ABCC3: variants seen among roughly 807,000 people sequenced by gnomAD.
ABCC3 encodes the protein ATP binding cassette subfamily C member 3, also known as ATP-binding cassette sub-family C member 3.
ABCC3 carries 121 observed loss-of-function variants against 165.3 expected under a neutral mutation model. That is an observed-to-expected ratio of 0.73 (90% CI 0.63 to 0.85). The LOEUF (loss-of-function observed/expected upper bound fraction) is 0.85. ABCC3 is among the 40% of genes least tolerant of loss of function. The pLI, the probability that ABCC3 is intolerant of heterozygous loss-of-function variation, is 0.00. For synonymous variants in ABCC3, 733 were observed against 810.1 expected, an observed-to-expected ratio of 0.90 and a Z score of 1.62; for missense variants, 1,869 against 1,964.1, an observed-to-expected ratio of 0.95 and a Z score of 0.92.
At chr17:50,673,281 C>A (rs1199218942) in intron 18 of ABCC3, 143 bp downstream of exon 18, 1 of 1,257,446 alleles carries the variant, frequency 8.0e-7, no homozygotes, top group African/African-American at 1.5e-5. Flanking sequence ...TCAGGAGAAA[C>A]CTGTGGGGAC....
chr17:50,644,594 C>T (rs969385222), intron 1 of ABCC3, among the ~76,000 whole-genome samples: 11 of 152,068 alleles, frequency 7.2e-5, no homozygotes, highest in African/African-American at 2.7e-4. Flanking sequence ...CACCTGTGGT[C>T]CTAGCTACTT....
chr17:50,673,349 A>G (rs1967689151), intron 18 of ABCC3, 120 bp from the exon 19 acceptor site: 1 of 1,335,646 alleles, frequency 7.5e-7, no homozygotes, highest in African/African-American at 1.5e-5. Flanking sequence ...TGAGTCACCC[A>G]TGTGCCTGTC....
At position 50,691,340 on chromosome 17, in the gene ABCC3, G is replaced by GT. The variant is rs563802547; in HGVS notation, c.*141dup. 7.0e-5 allele frequency: 45 copies of GT among 647,130 alleles called. No homozygotes were observed. Among genetic ancestry groups the GT allele is most frequent in the Non-Finnish European group, 1.0e-4 (37 of 356,970 alleles). 40.1% of individuals were successfully genotyped at this position (647,130 alleles called of 1,614,324 possible). ...TTGCACCTGTAAAGTGCCTTACAGGGTAACTGTGCTGAATGCTTTAGATGA... is the reference window on the plus strand; with the variant it reads ...TTGCACCTGTAAAGTGCCTTACAGGGTTAACTGTGCTGAATGCTTTAGATGA... On this transcript the variant is annotated 3_prime_UTR_variant, in exon 31 of 31. Coordinates refer to ENST00000285238, the MANE Select transcript of ABCC3 (RefSeq NM_003786.4).
intron 10 of ABCC3, chr17:50,664,444 C>T: frequency 6.7e-6 from 2 of 299,348 alleles, no homozygotes; most frequent in Non-Finnish European, 6.4e-6. Context: ...GTGGCTCACG[C>T]CTGTAATCCC....
intron 26 of ABCC3, among the ~76,000 whole-genome samples, chr17:50,680,986 G>A (rs529758003): frequency 6.6e-6 from 1 of 152,182 alleles, no homozygotes; most frequent in Admixed American, 6.5e-5. Context: ...CAAGGCAGGA[G>A]AATCGCTTGA....
intron 1 of ABCC3, among the ~76,000 whole-genome samples, chr17:50,639,752 G>C (rs980206616): frequency 3.4e-5 from 5 of 147,714 alleles, no homozygotes; most frequent in African/African-American, 1.3e-4. Flanking sequence ...TCTAGGCTTG[G>C]ATTTTGGATT....
intron 30 of ABCC3, among the ~76,000 whole-genome samples, chr17:50,688,763 G>A (rs12946683): frequency 0.26 from 39,095 of 151,528 alleles, 6,307 homozygotes; most frequent in South Asian, 0.41. Flanking sequence ...AAAATTTGCC[G>A]GATGTGGTGG....
At chr17:50,671,824 C>T (rs746523913) in intron 17 of ABCC3, among the ~76,000 whole-genome samples, 7 of 143,054 alleles carry the variant, frequency 4.9e-5, no homozygotes, top group South Asian at 2.4e-4. Flanking sequence ...CAGGTTCAAA[C>T]GATTCTCCTT....
chr17:50,635,450 G>C (rs889385433), intron 1 of ABCC3: 17 of 702,192 alleles, frequency 2.4e-5, no homozygotes, highest in Non-Finnish European at 3.9e-5. Flanking sequence ...TGCTCAACCA[G>C]GTGTTTTGGG....
At chr17:50,688,979 G>A (rs904964936) in intron 30 of ABCC3, among the ~76,000 whole-genome samples, 3 of 151,824 alleles carry the variant, frequency 2.0e-5, no homozygotes, top group African/African-American at 4.8e-5. Context: ...GAGGCAGGCA[G>A]ATCATTTGAG....
In ABCC3 at chr17:50,675,703, A is replaced by G. The variant is rs989647163; in HGVS notation, c.2787A>G (p.Ser929=). The G allele has an allele frequency of 3.2e-6, 5 of 1,569,798 alleles. No individual in the cohort carries two copies. The highest frequency in any genetic ancestry group is 4.3e-6 in the Non-Finnish European group (5 of 1,157,254). ...RPVPRRHLGP[S]EKVQVTEAKA... ...TACCCCGGAGGCACCTGGGTCCATC[A>G]GAGAAGGTGCAGGTGACAGAGGCGA... Residue 929 remains serine (S), a synonymous_variant, in exon 21 of 31, where the codon TCA becomes TCG. Transcript: ENST00000285238.
Position 50,676,593 on chromosome 17 carries a change from G to A in ABCC3, c.3378+5G>A, listed in dbSNP as rs745702134. 6.3e-7 allele frequency: 1 copy of A among 1,597,538 alleles called. No homozygotes were observed. The highest frequency in any genetic ancestry group is 1.3e-5 in the African/African-American group (1 of 74,740). On this transcript the variant is annotated splice_donor_5th_base_variant and intron_variant, in intron 23 of 30. Transcript: ENST00000285238. ...GTGCTCTACACCTTAGTGCAGGTGT[G>A]GGGTGGGCGTGATTCCAGTGTGGGC...
chr17:50,656,855 T>TG, intron 3 of ABCC3, 28 bp downstream of exon 3: 7 of 1,588,512 alleles, frequency 4.4e-6, no homozygotes, highest in Non-Finnish European at 5.1e-6. Flanking sequence ...GGAAAGTGGA[T>TG]GGGGGAGGTC....
Position 50,679,788 on chromosome 17 carries a change from C to G in ABCC3, c.3706-10C>G. 6.2e-7 allele frequency: 1 copy of G among 1,613,490 alleles called. No individual in the cohort carries two copies. The highest frequency in any genetic ancestry group is 8.5e-7 in the Non-Finnish European group (1 of 1,179,456). On this transcript the variant is annotated splice_polypyrimidine_tract_variant and intron_variant, in intron 25 of 30. Transcript: ENST00000285238. ...GATCGCCATACGTATAACCCAGTCC[C>G]TTTGGCCAGGTGACATTTGCTCTGA...
In ABCC3 at chr17:50,665,226, T is replaced by C. The variant is rs946635547; in HGVS notation, c.1412T>C (p.Val471Ala). 3 of 1,605,626 alleles carry C rather than the reference T, an allele frequency of 1.9e-6. No homozygotes were observed. Among genetic ancestry groups the C allele is most frequent in the Non-Finnish European group, 1.7e-6 (2 of 1,175,032 alleles). Residue 471 changes from valine (V) to alanine (A), a missense_variant, in exon 11 of 31, where the codon GTG (valine) becomes GCG (alanine). Val to Ala is a moderately conservative substitution (Grantham distance 64). Coordinates refer to ENST00000285238, the MANE Select transcript of ABCC3 (RefSeq NM_003786.4). ...LLIPLNGAVA[V>A]KMRAFQVKQM... is the part of the protein sequence containing the mutation. ...ATTCCACTCAACGGAGCTGTGGCCGTGAAGATGCGCGCCTTCCAGGTAGGT... is the reference window on the plus strand; with the variant it reads ...ATTCCACTCAACGGAGCTGTGGCCGCGAAGATGCGCGCCTTCCAGGTAGGT...
At chr17:50,676,207 G>A (rs1967802481) in intron 22 of ABCC3, 71 bp from the exon 23 acceptor site, 2 of 1,587,986 alleles carry the variant, frequency 1.3e-6, no homozygotes, top group South Asian at 1.2e-5. Flanking sequence ...GTCAACCCGT[G>A]TCTCTGATTC....
At chr17:50,659,636 C>T (rs1028950403) in intron 7 of ABCC3, among the ~76,000 whole-genome samples, 7 of 152,128 alleles carry the variant, frequency 4.6e-5, no homozygotes, top group African/African-American at 1.7e-4. Context: ...TAAATAAACT[C>T]ACTTAATTTT....
intron 1 of ABCC3, among the ~76,000 whole-genome samples, chr17:50,646,662 A>G (rs1357153438): frequency 6.6e-6 from 1 of 152,228 alleles, no homozygotes; most frequent in Non-Finnish European, 1.5e-5. Context: ...GGGGAAAACC[A>G]TGCAGGATCT....
intron 25 of ABCC3, 101 bp from the exon 26 acceptor site, chr17:50,679,694 GGAT>G: frequency 1.3e-5 from 14 of 1,096,038 alleles, no homozygotes; most frequent in Non-Finnish European, 1.9e-5. Flanking sequence ...CCATGGGCTA[GGAT>G]CCCATGGATG....
Sources: allele counts gnomAD v4.1 joint callset (sites outside exome capture counted in the v4.1 genomes callset), GRCh38; gene constraint gnomAD v4.1.1; transcripts MANE v1.5; gene names NCBI Gene and HGNC (gene_info 2026-07-23, HGNC 2026-07-21).